The following KCTD16 variants were observed in gnomAD, a reference collection of about 807,000 sequenced individuals.
The protein encoded by KCTD16 is potassium channel tetramerization domain containing 16, also known as BTB/POZ domain-containing protein KCTD16.
In KCTD16, 13 loss-of-function variants were observed where a neutral mutation model predicts 33.2. The observed-to-expected ratio is 0.39, with a 90% CI of 0.25 to 0.62. The LOEUF is 0.62. Ranked by LOEUF, KCTD16 falls within the 20% of genes least tolerant of loss-of-function variation. The probability of loss-of-function intolerance (pLI) is 0.50; values close to 1 mark genes in which losing one functional copy is unlikely to be tolerated. For missense variants in KCTD16, 441 were observed against 525.1 expected, an observed-to-expected ratio of 0.84 and a Z score of 1.57; for synonymous variants, 197 against 195.3, an observed-to-expected ratio of 1.01 and a Z score of -0.07.
intron 3 of KCTD16, among the ~76,000 whole-genome samples, chr5:144,433,309 T>C (rs1753505217): frequency 6.6e-6 from 1 of 152,118 alleles, no homozygotes; most frequent in African/African-American, 2.4e-5. Flanking sequence ...CTGCAACTGA[T>C]GGTCATCCCT....
intron 3 of KCTD16, among the ~76,000 whole-genome samples, chr5:144,298,077 T>G (rs1331582819): frequency 6.6e-6 from 1 of 152,206 alleles, no homozygotes; most frequent in Admixed American, 6.5e-5. Flanking sequence ...CCATTGTTCC[T>G]GCATGGCTAA....
chr5:144,199,218 G>T (rs1436968042), intron 2 of KCTD16, among the ~76,000 whole-genome samples: 1 of 152,134 alleles, frequency 6.6e-6, no homozygotes, highest in Non-Finnish European at 1.5e-5. Context: ...TGACAACAAA[G>T]ACGCCTTTTG....
At chr5:144,243,651 A>G (rs1460245322) in intron 3 of KCTD16, among the ~76,000 whole-genome samples, 1 of 152,206 alleles carries the variant, frequency 6.6e-6, no homozygotes, top group Non-Finnish European at 1.5e-5. Flanking sequence ...AAAGCAGAAG[A>G]CTACGGTACT....
At chr5:144,465,186 C>CCA (rs1561618142) in intron 3 of KCTD16, among the ~76,000 whole-genome samples, 5 of 105,938 alleles carry the variant, frequency 4.7e-5, no homozygotes, top group African/African-American at 1.8e-4. Flanking sequence ...CTCTCTCCCC[C>CCA]CCCTCTCTCT....
intron 3 of KCTD16, among the ~76,000 whole-genome samples, chr5:144,235,512 G>T (rs923015815): frequency 6.6e-6 from 1 of 151,974 alleles, no homozygotes; most frequent in Non-Finnish European, 1.5e-5. Flanking sequence ...TAAACTCTTG[G>T]TGCCTGTTTC....
intron 3 of KCTD16, among the ~76,000 whole-genome samples, chr5:144,264,634 A>T (rs1302320436): frequency 1.3e-5 from 2 of 152,114 alleles, no homozygotes; most frequent in African/African-American, 4.8e-5. Context: ...TTAGCTGGGC[A>T]TGGTGGTGCC....
intron 3 of KCTD16, among the ~76,000 whole-genome samples, chr5:144,239,944 G>A (rs1287335010): frequency 6.6e-6 from 1 of 152,048 alleles, no homozygotes; most frequent in Admixed American, 6.6e-5. Flanking sequence ...GTCAGCTTCT[G>A]GGATAATAGT....
intron 3 of KCTD16, among the ~76,000 whole-genome samples, chr5:144,393,944 CT>C (rs1752507100): frequency 1.4e-5 from 2 of 147,482 alleles, no homozygotes; most frequent in Admixed American, 1.3e-4. Context: ...TTTGCTTTTC[CT>C]TTTTTTCTTT....
chr5:144,430,375 T>G lies in KCTD16; in HGVS notation c.833-43285T>G, dbSNP rs1361890614. On this transcript the variant is annotated intron_variant, in intron 3 of 3. Transcript: ENST00000512467. Reference sequence around the variant, plus strand: ...GGAGTGGGGTAAGGTTCAGGTGGTGTGAGGGAAGATGAGTTCTCTGTGCTT... The same window carrying G: ...GGAGTGGGGTAAGGTTCAGGTGGTGGGAGGGAAGATGAGTTCTCTGTGCTT... Among the ~76,000 whole-genome samples the G allele has an allele frequency of 2.6e-5, 4 of 152,098 alleles. No individual in the cohort carries two copies. The East Asian group carries it at 7.7e-4, about 29-fold the overall frequency.
At chr5:144,346,798 A>G (rs1384377493) in intron 3 of KCTD16, among the ~76,000 whole-genome samples, 1 of 152,056 alleles carries the variant, frequency 6.6e-6, no homozygotes, top group Non-Finnish European at 1.5e-5. Flanking sequence ...TTCTCCCATT[A>G]TGTGGGTTGT....
rs1754579855 is a variant in KCTD16, at chr5:144,475,705, A to G, written c.*1591A>G. The G allele has an allele frequency of 6.6e-6, 1 of 152,664 alleles. No homozygotes were observed. The highest frequency in any genetic ancestry group is 1.5e-5 in the Non-Finnish European group (1 of 68,042). The allele number at this position is 152,664 out of a possible 1,614,324, so 9.5% of individuals were successfully genotyped here. A position where few individuals can be genotyped will look rare whatever the true frequency, so the allele number is the denominator to read the frequency against. On this transcript the variant is annotated 3_prime_UTR_variant, in exon 4 of 4. Transcript: ENST00000512467. The stretch of plus-strand genomic sequence containing the variant: ...TGTGTATGTGTATCACAGGTAATAA[A>G]GGCAATTGGATGATATCTGTAGGAG...
intron 3 of KCTD16, among the ~76,000 whole-genome samples, chr5:144,342,815 T>C (rs1210954689): frequency 1.3e-5 from 2 of 152,220 alleles, no homozygotes; most frequent in African/African-American, 4.8e-5. Flanking sequence ...TCGAAGGTCT[T>C]TTCTGCATCT....
At chr5:144,390,254 T>A (rs1264106497) in intron 3 of KCTD16, among the ~76,000 whole-genome samples, 2 of 152,218 alleles carry the variant, frequency 1.3e-5, no homozygotes, top group Admixed American at 1.3e-4. Flanking sequence ...CACTTCTACC[T>A]AACGTGATTT....
chr5:144,185,069 C>G (rs7715537), intron 2 of KCTD16, among the ~76,000 whole-genome samples: 25,435 of 152,214 alleles, frequency 0.17, 2,331 homozygotes, highest in Admixed American at 0.26. Flanking sequence ...CTCCTCAAAA[C>G]TTCCTTATAA....
chr5:144,412,566 A>G (rs1415585075), intron 3 of KCTD16, among the ~76,000 whole-genome samples: 1 of 152,128 alleles, frequency 6.6e-6, no homozygotes, highest in Admixed American at 6.5e-5. Context: ...GTGGATTCAA[A>G]TATACAGTTT....
chr5:144,271,518 A>G (rs1444275779), intron 3 of KCTD16, among the ~76,000 whole-genome samples: 1 of 152,130 alleles, frequency 6.6e-6, no homozygotes, highest in Non-Finnish European at 1.5e-5. Flanking sequence ...TATAAGCCAT[A>G]TATGAAAAAC....
At chr5:144,273,602 A>G (rs1299469766) in intron 3 of KCTD16, among the ~76,000 whole-genome samples, 2 of 152,166 alleles carry the variant, frequency 1.3e-5, no homozygotes, top group East Asian at 3.9e-4. Context: ...GATAAGCACA[A>G]TGTAATTCTG....
At chr5:144,290,106 C>T (rs945674845) in intron 3 of KCTD16, among the ~76,000 whole-genome samples, 1 of 152,058 alleles carries the variant, frequency 6.6e-6, no homozygotes, top group African/African-American at 2.4e-5. Flanking sequence ...CATGGTGAAA[C>T]CTTGTCTCTA....
intron 3 of KCTD16, among the ~76,000 whole-genome samples, chr5:144,371,007 G>A (rs1751953945): frequency 6.6e-6 from 1 of 152,006 alleles, no homozygotes; most frequent in Admixed American, 6.6e-5. Flanking sequence ...CCTCATGGAT[G>A]CCATCATCTC....
Sources: allele counts gnomAD v4.1 joint callset (sites outside exome capture counted in the v4.1 genomes callset), GRCh38; gene constraint gnomAD v4.1.1; transcripts MANE v1.5; gene names NCBI Gene and HGNC (gene_info 2026-07-23, HGNC 2026-07-21).